The following RINT1 variants were observed in gnomAD, a reference collection of about 807,000 sequenced individuals.
RINT1 encodes the protein RAD50 interactor 1, also known as RAD50-interacting protein 1.
RINT1 carries 75 observed loss-of-function variants against 97.7 expected under a neutral mutation model. The ratio of observed to expected loss-of-function variants is 0.77; its 90% CI spans 0.64 to 0.93. RINT1 has a LOEUF of 0.93. RINT1 is among the 40% of genes least tolerant of loss of function. The pLI is 0.00. For synonymous variants in RINT1, 303 were observed against 326.3 expected (o/e 0.93, Z 0.77); for missense variants, 892 against 925.2 (o/e 0.96, Z 0.47).
chr7:105,560,597 C>G (rs780026603), intron 11 of RINT1, among the ~76,000 whole-genome samples: 1 of 152,118 alleles, frequency 6.6e-6, no homozygotes, highest in Non-Finnish European at 1.5e-5. Context: ...TCCATGAAAT[C>G]TTTGGGAGAA....
At position 105,536,723 on chromosome 7, in the gene RINT1, G is replaced by A. The variant is rs1586216562; in HGVS notation, c.247G>A (p.Val83Ile). ...KLDKLIEQRT[V>I]SKMQLEEQVL... ...TGATAAACTCATAGAACAGAGGACAGTAAGTAAAATGCAGTTAGAAGAACA... is the reference window on the plus strand; with the variant it reads ...TGATAAACTCATAGAACAGAGGACAATAAGTAAAATGCAGTTAGAAGAACA... The change falls in exon 3 of 15, where the codon GTA (valine) becomes ATA (isoleucine). Residue 83 changes from valine to isoleucine, a missense_variant. Coordinates refer to ENST00000257700, the MANE Select transcript of RINT1 (RefSeq NM_021930.6). 1 of 1,599,640 alleles carries A rather than the reference G, an allele frequency of 6.3e-7. No homozygotes were observed. The highest frequency in any genetic ancestry group is 1.3e-5 in the African/African-American group (1 of 74,360).
chr7:105,559,559 A>G (rs949340436), intron 11 of RINT1, among the ~76,000 whole-genome samples: 20 of 149,964 alleles, frequency 1.3e-4, no homozygotes, highest in African/African-American at 3.9e-4. Flanking sequence ...AAAAAAAAAA[A>G]AAAAAAAAAG....
At position 105,536,630 on chromosome 7, in the gene RINT1, C is replaced by T. The variant is rs1488958943; in HGVS notation, c.154C>T (p.Leu52Phe). ...CAGTGAAGGTACAGATAATGGTGAT[C>T]TCCCTTCTTATGTGTCTGCATTCAT... is the stretch of plus-strand genomic sequence containing the variant. ...QVSEGTDNGD[L>F]PSYVSAFIEK... Residue 52 changes from leucine (L) to phenylalanine (F), a missense_variant, in exon 3 of 15, where the codon CTC becomes TTC. By Grantham distance (22) the Leu-to-Phe change is conservative. Coordinates refer to ENST00000257700, the MANE Select transcript of RINT1 (RefSeq NM_021930.6). The T allele has an allele frequency of 1.2e-6, 2 of 1,611,582 alleles. No individual in the cohort carries two copies. Among genetic ancestry groups the T allele is most frequent in the African/African-American group, 1.3e-5 (1 of 74,814 alleles).
chr7:105,532,969 G>T, intron 2 of RINT1, 100 bp downstream of exon 2: 1 of 1,053,708 alleles, frequency 9.5e-7, no homozygotes, highest in East Asian at 2.4e-5. Context: ...TTTAGATGCA[G>T]TACCGTTTTC....
chr7:105,550,993 A>G (rs892029859), intron 9 of RINT1, among the ~76,000 whole-genome samples: 3 of 152,128 alleles, frequency 2.0e-5, no homozygotes, highest in Non-Finnish European at 4.4e-5. Context: ...GACTTCAAGT[A>G]ATCCACCTGC....
At chr7:105,543,193 CTT>C (rs1790533465) in intron 4 of RINT1, among the ~76,000 whole-genome samples, 1 of 152,020 alleles carries the variant, frequency 6.6e-6, no homozygotes, top group South Asian at 2.1e-4. Flanking sequence ...TCCGGCCAAA[CTT>C]TTAAGTCTTA....
chr7:105,551,754 T>C (rs1265674700), intron 10 of RINT1, 47 bp downstream of exon 10: 41 of 1,511,564 alleles, frequency 2.7e-5, no homozygotes, highest in Non-Finnish European at 3.7e-5. Flanking sequence ...AGTACTGTTT[T>C]CACGTGGTAG....
At chr7:105,551,505 C>T in intron 9 of RINT1, 65 bp from the exon 10 acceptor site, 4 of 1,365,296 alleles carry the variant, frequency 2.9e-6, no homozygotes, top group Non-Finnish European at 3.9e-6. Context: ...TAAAAAATTA[C>T]AAGTTGAATA....
chr7:105,550,124 C>T lies in RINT1; in HGVS notation c.1066C>T (p.Gln356Ter), dbSNP rs1460614597. The T allele has an allele frequency of 1.9e-6, 3 of 1,613,836 alleles. No homozygotes were observed. Among genetic ancestry groups the T allele is most frequent in the Non-Finnish European group, 2.5e-6 (3 of 1,179,792 alleles). ...TACTGAATTTCTGGATGAGAAGATT[C>T]AGCCAATATTAGACAAAGTAGGCTC... The part of the protein sequence containing the change: ...NHTEFLDEKI[Q>*]PILDKVGSLV... Residue 356 changes from glutamine to a stop codon, truncating the protein, a stop_gained, in exon 8 of 15, where the codon CAG becomes TAG. Transcript: ENST00000257700. LOFTEE classifies it high-confidence loss of function.
At chr7:105,551,873 C>G (rs1586244051) in intron 10 of RINT1, among the ~76,000 whole-genome samples, 166 bp downstream of exon 10, 1 of 152,044 alleles carries the variant, frequency 6.6e-6, no homozygotes, top group Admixed American at 6.6e-5. Flanking sequence ...CGAGAACAGC[C>G]TGGGGTACAT....
Position 105,536,627 on chromosome 7 carries a change from G to A in RINT1, c.151G>A (p.Asp51Asn), listed in dbSNP as rs1790246903. ...KQVSEGTDNG[D>N]LPSYVSAFIE... ...AGTCAGTGAAGGTACAGATAATGGT[G>A]ATCTCCCTTCTTATGTGTCTGCATT... The change falls in exon 3 of 15, where the codon GAT becomes AAT. Residue 51 changes from aspartate (D) to asparagine (N), a missense_variant. Coordinates refer to ENST00000257700, the MANE Select transcript of RINT1 (RefSeq NM_021930.6). 2 of 1,611,858 alleles carry A rather than the reference G, an allele frequency of 1.2e-6. No individual in the cohort carries two copies. The highest frequency in any genetic ancestry group is 1.7e-6 in the Non-Finnish European group (2 of 1,178,770).
chr7:105,556,936 C>G (rs982816021), intron 11 of RINT1, among the ~76,000 whole-genome samples: 2 of 152,126 alleles, frequency 1.3e-5, no homozygotes, highest in South Asian at 4.1e-4. Context: ...CTCAGAGGAC[C>G]TTCAGAACTC....
intron 3 of RINT1, among the ~76,000 whole-genome samples, chr7:105,537,279 T>C (rs1790281381): frequency 6.7e-6 from 1 of 150,226 alleles, no homozygotes. Flanking sequence ...TACAGGCATG[T>C]GTCACCCTGC....
Position 105,565,209 on chromosome 7 carries a change from A to G in RINT1, c.1887-68A>G, listed in dbSNP as rs818624. Reference sequence around the variant, plus strand: ...TAGGACAGAACACTTCCTCAAATTTAAAATGATTTAAAAACTTGAAAAATA... The same window carrying G: ...TAGGACAGAACACTTCCTCAAATTTGAAATGATTTAAAAACTTGAAAAATA... On this transcript the variant is annotated intron_variant, in intron 12 of 14. Coordinates refer to ENST00000257700, the MANE Select transcript of RINT1 (RefSeq NM_021930.6). The G allele has an allele frequency of 5.8e-3, 8,228 of 1,426,358 alleles. 377 individuals carry two copies. In the African/African-American group the frequency reaches 0.1, roughly 18 times the overall value. 88.4% of individuals were successfully genotyped at this position (1,426,358 alleles called of 1,614,324 possible).
Position 105,548,698 on chromosome 7 carries a change from T to C in RINT1, c.984T>C (p.Asn328=), listed in dbSNP as rs1790791419. The C allele has an allele frequency of 6.2e-7, 1 of 1,611,152 alleles. No homozygotes were observed. Among genetic ancestry groups the C allele is most frequent in the Non-Finnish European group, 8.5e-7 (1 of 1,178,410 alleles). The stretch of plus-strand genomic sequence containing the variant: ...ACTTCAGAGGGAACCGGCAGACTAA[T>C]GTGTTAAGCAAGGTGTGTTTTGCCA... ...RYHFRGNRQT[N]VLSKPEWYLA... is the part of the protein sequence containing the mutation. Residue 328 remains asparagine, a synonymous_variant, in exon 7 of 15, where the codon AAT becomes AAC. Transcript: ENST00000257700.
intron 10 of RINT1, among the ~76,000 whole-genome samples, chr7:105,551,924 C>T (rs944425193): frequency 6.6e-6 from 1 of 151,886 alleles, no homozygotes; most frequent in African/African-American, 2.4e-5. Flanking sequence ...AGAAATTAGC[C>T]AGTTGTGGTG....
At chr7:105,552,820 C>T (rs1313470864) in intron 10 of RINT1, among the ~76,000 whole-genome samples, 1 of 151,534 alleles carries the variant, frequency 6.6e-6, no homozygotes, top group Non-Finnish European at 1.5e-5. Context: ...ATTATAGGCA[C>T]CTGCTGCCAC....
At chr7:105,539,547 A>G (rs1167918762) in intron 3 of RINT1, among the ~76,000 whole-genome samples, 8 of 151,876 alleles carry the variant, frequency 5.3e-5, no homozygotes, top group Non-Finnish European at 1.2e-4. Context: ...TTTGGTAGAG[A>G]TGGGGTTTCT....
At chr7:105,534,852 A>G (rs1356671189) in intron 2 of RINT1, among the ~76,000 whole-genome samples, 1 of 152,136 alleles carries the variant, frequency 6.6e-6, no homozygotes, top group Non-Finnish European at 1.5e-5. Flanking sequence ...AATTCATATA[A>G]GTTAAGTAGA....
Sources: gnomAD v4.1 joint callset for allele counts (sites outside exome capture counted in the v4.1 genomes callset) on GRCh38, gnomAD v4.1.1 for gene constraint, MANE v1.5 for transcripts, NCBI Gene and HGNC (gene_info 2026-07-23, HGNC 2026-07-21) for gene names.